Variants in LAMC1 observed in about 807,000 individuals in gnomAD.
The protein encoded by LAMC1 is laminin subunit gamma 1, also known as laminin subunit gamma-1.
Under a neutral mutation model 173.6 loss-of-function variants are expected in LAMC1, and 38 were observed. That is an observed-to-expected ratio of 0.22 (90% CI 0.17 to 0.29). The LOEUF (loss-of-function observed/expected upper bound fraction) is 0.29. Among genes scored for constraint, LAMC1 ranks in the 10% least tolerant of loss-of-function variants. The probability of loss-of-function intolerance (pLI) is 1.00; values close to 1 mark genes in which losing one functional copy is unlikely to be tolerated. For synonymous variants in LAMC1, 746 were observed against 749.1 expected, an observed-to-expected ratio of 1.00 and a Z score of 0.07; for missense variants, 1,824 against 2,051.8, an observed-to-expected ratio of 0.89 and a Z score of 2.14.
chr1:183,085,217 C>CA (rs111855460), intron 1 of LAMC1, among the ~76,000 whole-genome samples: 4,029 of 106,970 alleles, frequency 0.038, 63 homozygotes, highest in Middle Eastern at 0.05. Context: ...GACTCTGTCT[C>CA]AAAAAAAAAA....
rs377334318 is a variant in LAMC1 at position 183,114,421 on chromosome 1, C to T, written c.1022-110C>T. 5 of 1,081,412 alleles carry T rather than the reference C, an allele frequency of 4.6e-6. No individual in the cohort carries two copies. In the Admixed American group the frequency reaches 5.4e-5, roughly 12 times the overall value. 67.0% of individuals were successfully genotyped at this position (1,081,412 alleles called of 1,614,324 possible). A position where few individuals can be genotyped will look rare whatever the true frequency, so the allele number is the denominator to read the frequency against. On this transcript the variant is annotated intron_variant, in intron 4 of 27. Coordinates refer to ENST00000258341, the MANE Select transcript of LAMC1 (RefSeq NM_002293.4). ...CATCTGGTAATCATTCTTAGTCTAC[C>T]ACCATCTGTCTGTCTCAGAGATGTG...
rs773199739 is a variant in LAMC1 at position 183,123,559 on chromosome 1, C to T, written c.2402-1072C>T. 8.3e-4 allele frequency among the ~76,000 whole-genome samples: 127 copies of T among 152,282 alleles called. 1 individual carries two copies. In the Middle Eastern group the frequency reaches 0.024, roughly 29 times the overall value. ...TCCCTTGGATATTATCCTGGCTGGTCTCTTCTCTGTCTTTCCATTGCTATC... is the reference window on the plus strand; with the variant it reads ...TCCCTTGGATATTATCCTGGCTGGTTTCTTCTCTGTCTTTCCATTGCTATC... On this transcript the variant is annotated intron_variant, in intron 13 of 27. Transcript: ENST00000258341.
At chr1:183,109,055 T>A (rs780148737) in intron 3 of LAMC1, among the ~76,000 whole-genome samples, 1 of 152,158 alleles carries the variant, frequency 6.6e-6, no homozygotes, top group African/African-American at 2.4e-5. Context: ...TCTCTTAAAT[T>A]TGTAGAGTTG....
At chr1:183,097,539 A>G (rs918169472) in intron 1 of LAMC1, among the ~76,000 whole-genome samples, 6 of 152,216 alleles carry the variant, frequency 3.9e-5, no homozygotes, top group African/African-American at 1.4e-4. Flanking sequence ...CAAGATCCTT[A>G]TGGAATTTTT....
intron 1 of LAMC1, among the ~76,000 whole-genome samples, chr1:183,091,100 A>G (rs1215065524): frequency 6.6e-6 from 1 of 152,188 alleles, no homozygotes; most frequent in Admixed American, 6.5e-5. Flanking sequence ...AAAATTTCTG[A>G]ATGGACTTCC....
rs181360078 is a variant in LAMC1, at chr1:183,034,562, C to T, written c.418+10428C>T. On this transcript the variant is annotated intron_variant, in intron 1 of 27. Transcript: ENST00000258341. The stretch of plus-strand genomic sequence containing the variant: ...CTGGGATTACAGGCGTGAGCCACCG[C>T]GCCCAGCCCAGTTGAAACTTTTTAA... Among the ~76,000 whole-genome samples, 32 of 152,286 alleles carry T rather than the reference C, an allele frequency of 2.1e-4. No individual in the cohort carries two copies. The Middle Eastern group carries it at 0.014, about 65-fold the overall frequency.
intron 17 of LAMC1, 22 bp downstream of exon 17, chr1:183,127,426 C>T (rs773304405): frequency 6.2e-7 from 1 of 1,609,942 alleles, no homozygotes; most frequent in Non-Finnish European, 8.5e-7. Flanking sequence ...ATAGTGCATT[C>T]ATTCATTCAT....
chr1:183,086,848 C>G (rs2102055587), intron 1 of LAMC1, among the ~76,000 whole-genome samples: 1 of 152,204 alleles, frequency 6.6e-6, no homozygotes, highest in Non-Finnish European at 1.5e-5. Flanking sequence ...AAATCAGTTC[C>G]TGTGGCATTT....
intron 1 of LAMC1, among the ~76,000 whole-genome samples, chr1:183,050,459 T>G (rs1445683151): frequency 3.3e-5 from 5 of 150,268 alleles, no homozygotes; most frequent in Non-Finnish European, 5.9e-5. Flanking sequence ...TTTTTTTGTA[T>G]TTTTAGTAGA....
chr1:183,120,167 C>CAAA (rs55642592), intron 11 of LAMC1, among the ~76,000 whole-genome samples: 2,261 of 64,584 alleles, frequency 0.035, 119 homozygotes, highest in South Asian at 0.055. Flanking sequence ...GGATCTATCT[C>CAAA]AAAAAAAAAA....
chr1:183,107,007 T>C (rs952113762), intron 2 of LAMC1, among the ~76,000 whole-genome samples: 1 of 152,098 alleles, frequency 6.6e-6, no homozygotes, highest in African/African-American at 2.4e-5. Context: ...CTGGGATCAT[T>C]AGTATAGCAT....
At chr1:183,125,376 A>G (rs1553257835) in intron 14 of LAMC1, 21 bp from the exon 15 acceptor site, 2 of 1,613,142 alleles carry the variant, frequency 1.2e-6, no homozygotes, top group South Asian at 1.1e-5. Flanking sequence ...GTCTTTTGCC[A>G]TCTCTGTCTT....
At chr1:183,130,286 T>G in intron 18 of LAMC1, 58 bp from the exon 19 acceptor site, 9 of 1,428,050 alleles carry the variant, frequency 6.3e-6, no homozygotes, top group East Asian at 2.3e-5. Context: ...AGATTTCATG[T>G]GAGATGATAT....
chr1:183,116,567 C>T lies in LAMC1; in HGVS notation c.1329-10C>T. 1 of 1,555,598 alleles carries T rather than the reference C, an allele frequency of 6.4e-7. No individual in the cohort carries two copies. The highest frequency in any genetic ancestry group is 1.8e-5 in the Admixed American group (1 of 56,848). ...TTCTCTGATTGTTTTATCCATTTTT[C>T]ATTGAATAGGCCATGCTCTTGTGAT... On this transcript the variant is annotated splice_polypyrimidine_tract_variant and intron_variant, in intron 6 of 27. Transcript: ENST00000258341.
chr1:183,084,202 C>T (rs542486212), intron 1 of LAMC1, among the ~76,000 whole-genome samples: 1 of 152,208 alleles, frequency 6.6e-6, no homozygotes, highest in East Asian at 1.9e-4. Context: ...ATTAGCTGGG[C>T]GCAGTGGCGG....
intron 1 of LAMC1, 25 bp downstream of exon 1, chr1:183,024,159 T>C: frequency 6.6e-7 from 1 of 1,520,442 alleles, no homozygotes; most frequent in Middle Eastern, 1.7e-4. Flanking sequence ...CCCCGTCCCC[T>C]GCTACTGCTC....
intron 1 of LAMC1, among the ~76,000 whole-genome samples, chr1:183,029,171 C>T (rs895152701): frequency 2.6e-5 from 4 of 152,212 alleles, no homozygotes; most frequent in Admixed American, 2.6e-4. Flanking sequence ...TAACTTCACC[C>T]GTTTCTTTCC....
At chr1:183,038,571 A>G (rs937501844) in intron 1 of LAMC1, among the ~76,000 whole-genome samples, 39 of 152,206 alleles carry the variant, frequency 2.6e-4, no homozygotes, top group African/African-American at 9.2e-4. Flanking sequence ...ATTTCCAAGA[A>G]AAGAGTTTTG....
chr1:183,128,000 A>T (rs1656666476), intron 17 of LAMC1, among the ~76,000 whole-genome samples: 1 of 152,196 alleles, frequency 6.6e-6, no homozygotes, highest in South Asian at 2.1e-4. Flanking sequence ...ATGGGGCTTA[A>T]TGGGAAGCCT....
Sources: allele counts gnomAD v4.1 joint callset (sites outside exome capture counted in the v4.1 genomes callset), GRCh38; gene constraint gnomAD v4.1.1; transcripts MANE v1.5; gene names NCBI Gene and HGNC (gene_info 2026-07-23, HGNC 2026-07-21).